Variants in RASL10B observed in about 807,000 individuals in gnomAD.
The protein encoded by RASL10B is RAS like family 10 member B.
In RASL10B, 10 loss-of-function variants were observed where a neutral mutation model predicts 20.7. The observed-to-expected ratio is 0.48, with a 90% CI of 0.30 to 0.82. The LOEUF (loss-of-function observed/expected upper bound fraction) is 0.82. Among genes scored for constraint, RASL10B ranks in the 40% least tolerant of loss-of-function variants. RASL10B has a pLI of 0.07. For missense variants in RASL10B, 231 were observed against 295.4 expected (o/e 0.78, Z 1.60); for synonymous variants, 110 against 123.3 (o/e 0.89, Z 0.72).
chr17:35,741,329 A>G lies in RASL10B; in HGVS notation c.*24A>G. ...GACGCCTGCGCGCCCCTCGGGCTGC[A>G]CCGGCACTGGCCGAGCGGAGGGCGG... is the stretch of plus-strand genomic sequence containing the variant. On this transcript the variant is annotated 3_prime_UTR_variant, in exon 4 of 4. Transcript: ENST00000603017. The G allele has an allele frequency of 1.4e-6, 2 of 1,427,762 alleles. No homozygotes were observed. Among genetic ancestry groups the G allele is most frequent in the East Asian group, 5.5e-5 (2 of 36,042 alleles). 88.4% of individuals were successfully genotyped at this position (1,427,762 alleles called of 1,614,324 possible).
At chr17:35,740,634 A>C in intron 3 of RASL10B, 101 bp downstream of exon 3, 3 of 1,356,908 alleles carry the variant, frequency 2.2e-6, no homozygotes, top group Non-Finnish European at 3.0e-6. Flanking sequence ...ATAGAGGTAT[A>C]TGTGTTCTAA....
In RASL10B at chr17:35,735,217, G is replaced by T; in HGVS notation, c.33G>T (p.Gly11=). The change falls in exon 2 of 4, where the codon GGG becomes GGT. Residue 11 remains glycine (G), a synonymous_variant. Coordinates refer to ENST00000603017, the MANE Select transcript of RASL10B (RefSeq NM_033315.4). This position sits in a 1 kb window ranked among gnomAD's most constrained non-coding sequence, Gnocchi z 6.7. ...CCACCTACCGGGTGGCCGTGCTGGG[G>T]GCGCGAGGTGTGGGCAAGAGTGCCA... MVSTYRVAVL[G]ARGVGKSAIV... The T allele has an allele frequency of 6.2e-7, 1 of 1,612,164 alleles. No individual in the cohort carries two copies.
rs1555597951 is a variant in RASL10B at position 35,741,340 on chromosome 17, C to T, written c.*35C>T. 3.6e-6 allele frequency: 5 copies of T among 1,403,718 alleles called. No homozygotes were observed. The highest frequency in any genetic ancestry group is 4.6e-6 in the Non-Finnish European group (5 of 1,083,678). 87.0% of individuals were successfully genotyped at this position (1,403,718 alleles called of 1,614,324 possible). Reference sequence around the variant, plus strand: ...GCCCCTCGGGCTGCACCGGCACTGGCCGAGCGGAGGGCGGGGCCGTACTGC... The same window carrying T: ...GCCCCTCGGGCTGCACCGGCACTGGTCGAGCGGAGGGCGGGGCCGTACTGC... On this transcript the variant is annotated 3_prime_UTR_variant, in exon 4 of 4. Transcript: ENST00000603017.
rs879972146 is a variant in RASL10B at position 35,742,429 on chromosome 17, C to G, written c.*1124C>G. ...ACCCCTGTACTTGGGGGAGACACAC[C>G]TGCATCTTCCTCCTGCCACAGATGG... is the stretch of plus-strand genomic sequence containing the variant. On this transcript the variant is annotated 3_prime_UTR_variant, in exon 4 of 4. Transcript: ENST00000603017. 1 of 152,786 alleles carries G rather than the reference C, an allele frequency of 6.5e-6. No homozygotes were observed. Among genetic ancestry groups the G allele is most frequent in the African/African-American group, 2.4e-5 (1 of 41,432 alleles). 9.5% of individuals were successfully genotyped at this position (152,786 alleles called of 1,614,324 possible).
At chr17:35,733,251 G>A (rs587632338) in intron 1 of RASL10B, among the ~76,000 whole-genome samples, 83 of 152,324 alleles carry the variant, frequency 5.4e-4, no homozygotes, top group African/African-American at 1.9e-3. Context: ...TTTGTGGGAA[G>A]CTTAGATGAA....
intron 2 of RASL10B, among the ~76,000 whole-genome samples, chr17:35,740,150 A>C (rs1417412342): frequency 1.3e-5 from 2 of 152,230 alleles, no homozygotes; most frequent in Non-Finnish European, 2.9e-5. Context: ...GGAGCAAGGC[A>C]GAGCTAAACT....
At chr17:35,733,601 G>A (rs587740331) in intron 1 of RASL10B, among the ~76,000 whole-genome samples, 12 of 152,272 alleles carry the variant, frequency 7.9e-5, no homozygotes, top group African/African-American at 1.7e-4. Context: ...GCCAGAATCC[G>A]GCGAACCCAC....
Position 35,741,455 on chromosome 17 carries a change from A to G in RASL10B, c.*150A>G. 1 of 1,205,774 alleles carries G rather than the reference A, an allele frequency of 8.3e-7. No homozygotes were observed. 74.7% of individuals were successfully genotyped at this position (1,205,774 alleles called of 1,614,324 possible). A position where few individuals can be genotyped will look rare whatever the true frequency, so the allele number is the denominator to read the frequency against. ...CCACGCACCTCCCGGTGAGAAGCAG[A>G]GCGCGAGAGGGAGCCCTCCGTAACT... On this transcript the variant is annotated 3_prime_UTR_variant, in exon 4 of 4. Transcript: ENST00000603017.
At chr17:35,738,883 CT>C (rs1555597549) in intron 2 of RASL10B, among the ~76,000 whole-genome samples, 1 of 152,154 alleles carries the variant, frequency 6.6e-6, no homozygotes, top group Non-Finnish European at 1.5e-5. Flanking sequence ...AGACTGGGAG[CT>C]TCTCATCCCT....
rs1407218205 is a variant in RASL10B at position 35,742,504 on chromosome 17, A to T, written c.*1199A>T. On this transcript the variant is annotated 3_prime_UTR_variant, in exon 4 of 4. Coordinates refer to ENST00000603017, the MANE Select transcript of RASL10B (RefSeq NM_033315.4). ...TTGTCCCAACACCAGTCAGCCCTAT[A>T]CCCTAACTCACTCCACCCCATTTTC... The T allele has an allele frequency of 6.6e-6, 1 of 152,436 alleles. No individual in the cohort carries two copies. The highest frequency in any genetic ancestry group is 1.5e-5 in the Non-Finnish European group (1 of 68,022). 9.4% of individuals were successfully genotyped at this position (152,436 alleles called of 1,614,324 possible).
intron 3 of RASL10B, 111 bp from the exon 4 acceptor site, chr17:35,740,924 C>CCGT: frequency 1.1e-6 from 1 of 892,624 alleles, no homozygotes; most frequent in Non-Finnish European, 1.7e-6. Context: ...AGGGCTGCGC[C>CCGT]TGGAGCAGAA....
intron 2 of RASL10B, among the ~76,000 whole-genome samples, chr17:35,740,000 G>C (rs2085619375): frequency 6.6e-6 from 1 of 152,212 alleles, no homozygotes; most frequent in Non-Finnish European, 1.5e-5. Context: ...AAGCTTCTTG[G>C]AGGTGGTGGC....
In RASL10B at chr17:35,741,054, A is replaced by G; in HGVS notation, c.361A>G (p.Thr121Ala). ...LETRVIGTSETPIIIVGNKRD... is the reference protein window; with the variant it reads ...LETRVIGTSEAPIIIVGNKRD... ...CCACAGGGTGATCGGAACCTCAGAG[A>G]CGCCCATCATCATCGTGGGCAACAA... Residue 121 changes from threonine to alanine, a missense_variant, in exon 4 of 4, where the codon ACG becomes GCG. Thr to Ala is a moderately conservative substitution (Grantham distance 58). Coordinates refer to ENST00000603017, the MANE Select transcript of RASL10B (RefSeq NM_033315.4). The G allele has an allele frequency of 6.2e-7, 1 of 1,605,934 alleles. No individual in the cohort carries two copies. Among genetic ancestry groups the G allele is most frequent in the Non-Finnish European group, 8.5e-7 (1 of 1,174,392 alleles).
intron 2 of RASL10B, among the ~76,000 whole-genome samples, chr17:35,739,251 C>T (rs1555597583): frequency 6.6e-6 from 1 of 152,210 alleles, no homozygotes; most frequent in African/African-American, 2.4e-5. Flanking sequence ...CTCCTTTGTG[C>T]CTGGCCCCTG....
intron 2 of RASL10B, among the ~76,000 whole-genome samples, chr17:35,739,958 T>TC (rs1324235345): frequency 6.6e-6 from 1 of 152,026 alleles, no homozygotes; most frequent in Non-Finnish European, 1.5e-5. Flanking sequence ...AAGGGAGTAG[T>TC]CCCCTGCTTG....
intron 2 of RASL10B, among the ~76,000 whole-genome samples, chr17:35,739,049 C>A (rs60575561): frequency 0.011 from 1,616 of 152,328 alleles, 30 homozygotes; most frequent in African/African-American, 0.037. Flanking sequence ...TCCTCGGCAT[C>A]CTCCCGCCGC....
rs1320296222 is a variant in RASL10B at position 35,741,836 on chromosome 17, TCTGA to T, written c.*535_*538del. ...GCAGCTTCTTTGTGAGGCCAGGCCT[TCTGA>T]CTGTCAGCACCACCGGCACAGGGCA... On this transcript the variant is annotated 3_prime_UTR_variant, in exon 4 of 4. Coordinates refer to ENST00000603017, the MANE Select transcript of RASL10B (RefSeq NM_033315.4). The T allele has an allele frequency of 6.5e-6, 1 of 153,156 alleles. No individual in the cohort carries two copies. Among genetic ancestry groups the T allele is most frequent in the Non-Finnish European group, 1.5e-5 (1 of 68,648 alleles). The allele number at this position is 153,156 out of a possible 1,614,324, so 9.5% of individuals were successfully genotyped here.
chr17:35,736,678 A>G (rs2085594529), intron 2 of RASL10B: 1 of 152,248 alleles, frequency 6.6e-6, no homozygotes, highest in Admixed American at 6.5e-5. Context: ...TGTTGATTTC[A>G]TCTTGCCCCC....
Position 35,735,045 on chromosome 17 carries a change from G to A in RASL10B, c.-140G>A. 1.2e-6 allele frequency: 1 copy of A among 810,010 alleles called. No homozygotes were observed. Among genetic ancestry groups the A allele is most frequent in the Non-Finnish European group, 2.0e-6 (1 of 492,008 alleles). The allele number at this position is 810,010 out of a possible 1,614,324, so 50.2% of individuals were successfully genotyped here. ...CACCTCTTGTCCCCACAGTCCAGGT[G>A]GAGGCCGCAGAGGGCCCAGGGCAAG... On this transcript the variant is annotated 5_prime_UTR_variant, in exon 2 of 4. Transcript: ENST00000603017. This position sits in a 1 kb window ranked among gnomAD's most constrained non-coding sequence, Gnocchi z 6.7.
Sources: allele counts gnomAD v4.1 joint callset (sites outside exome capture counted in the v4.1 genomes callset), GRCh38; gene constraint gnomAD v4.1.1; non-coding constraint Gnocchi (gnomAD v3.1); transcripts MANE v1.5; gene names NCBI Gene and HGNC (gene_info 2026-07-23, HGNC 2026-07-21).